Variants in MYO1H observed in about 807,000 individuals in gnomAD.
The protein encoded by MYO1H is unconventional myosin-Ih.
A neutral mutation model predicts 149.3 loss-of-function variants in MYO1H; 118 were observed. The observed-to-expected ratio is 0.79, with a 90% CI of 0.68 to 0.92. The LOEUF (loss-of-function observed/expected upper bound fraction) is 0.92, where lower values mean the gene tolerates loss of function less well. MYO1H is among the 40% of genes least tolerant of loss of function. MYO1H has a pLI of 0.00. For synonymous variants in MYO1H, 447 were observed against 465.2 expected, an observed-to-expected ratio of 0.96 and a Z score of 0.50; for missense variants, 1,212 against 1,280.7, an observed-to-expected ratio of 0.95 and a Z score of 0.82.
the MYO1H span, among the ~76,000 whole-genome samples, chr12:109,322,222 A>G: frequency 1.3e-5 from 2 of 152,100 alleles, no homozygotes; most frequent in Non-Finnish European, 2.9e-5. Flanking sequence ...ACACTCCTCC[A>G]TTAATCTTTG....
intron 10 of MYO1H, among the ~76,000 whole-genome samples, chr12:109,408,822 C>G (rs1870510703): frequency 6.6e-6 from 1 of 152,020 alleles, no homozygotes; most frequent in Non-Finnish European, 1.5e-5. Flanking sequence ...CGGAGTCCCA[C>G]TTTGTCGTTC....
At position 109,435,130 on chromosome 12, in the gene MYO1H, T is replaced by C. The variant is rs767215283; in HGVS notation, c.2140+17T>C. ...ATCAACTAGGTATGATTTCTTTTTC[T>C]GTCCCGATTTCAATAGAATATGAAA... On this transcript the variant is annotated intron_variant, in intron 21 of 31. Transcript: ENST00000310903. The C allele has an allele frequency of 2.0e-6, 3 of 1,528,506 alleles. No individual in the cohort carries two copies. The Admixed American group carries it at 5.4e-5, about 28-fold the overall frequency. 94.7% of individuals were successfully genotyped at this position (1,528,506 alleles called of 1,614,324 possible). A position where few individuals can be genotyped will look rare whatever the true frequency, so the allele number is the denominator to read the frequency against.
exon 20 of MYO1H, chr12:109,432,992 A>C: frequency 6.2e-7 from 1 of 1,614,006 alleles, no homozygotes; most frequent in Non-Finnish European, 8.5e-7. Context: ...TACAAACCCG[A>C]GGAATACAAG....
At chr12:109,331,708 G>A in the MYO1H span, among the ~76,000 whole-genome samples, 1 of 152,170 alleles carries the variant, frequency 6.6e-6, no homozygotes, top group Non-Finnish European at 1.5e-5. Context: ...AAGATGGATG[G>A]GGCAGTGGTT....
the MYO1H span, among the ~76,000 whole-genome samples, chr12:109,323,460 T>C: frequency 6.6e-6 from 1 of 152,248 alleles, no homozygotes; most frequent in African/African-American, 2.4e-5. Context: ...CCTGTGTTTG[T>C]TGGTGGGAAC....
At chr12:109,435,230 C>A in intron 21 of MYO1H, 117 bp downstream of exon 21, 1 of 635,866 alleles carries the variant, frequency 1.6e-6, no homozygotes, top group Non-Finnish European at 2.7e-6. Context: ...GCTTTGGAAA[C>A]TAGGAACGAG....
chr12:109,344,742 G>T (rs1021866295), upstream of MYO1H, among the ~76,000 whole-genome samples: 2 of 152,154 alleles, frequency 1.3e-5, no homozygotes, highest in Admixed American at 6.5e-5. Flanking sequence ...TGACTACAAA[G>T]CTACAAAGAC....
chr12:109,362,314 T>C (rs535983095), intron 1 of MYO1H, among the ~76,000 whole-genome samples: 1 of 152,320 alleles, frequency 6.6e-6, no homozygotes, highest in African/African-American at 2.4e-5. Flanking sequence ...TGATGTGAAG[T>C]CTGATTTGAG....
intron 15 of MYO1H, among the ~76,000 whole-genome samples, chr12:109,419,547 T>G (rs1566035937): frequency 2.0e-5 from 3 of 152,224 alleles, no homozygotes; most frequent in South Asian, 4.1e-4. Context: ...TTTTAAAATT[T>G]TTATTTAATC....
chr12:109,328,190 A>G, the MYO1H span, among the ~76,000 whole-genome samples: 1 of 150,528 alleles, frequency 6.6e-6, no homozygotes, highest in African/African-American at 2.4e-5. Context: ...TATGTGATTT[A>G]CCTTAGTTTT....
At chr12:109,420,549 T>C (rs1871129622) in intron 15 of MYO1H, among the ~76,000 whole-genome samples, 1 of 152,110 alleles carries the variant, frequency 6.6e-6, no homozygotes, top group African/African-American at 2.4e-5. Context: ...TGCTACAAAC[T>C]TTTAAACAAC....
chr12:109,331,554 C>G, the MYO1H span, among the ~76,000 whole-genome samples: 1 of 152,188 alleles, frequency 6.6e-6, no homozygotes, highest in South Asian at 2.1e-4. Context: ...TCCTCGGAGC[C>G]AAGAGCTTCT....
Position 109,436,367 on chromosome 12 carries a change from A to G in MYO1H, c.2141-121A>G, listed in dbSNP as rs1033815491. 11 of 670,740 alleles carry G rather than the reference A, an allele frequency of 1.6e-5. No individual in the cohort carries two copies. The Admixed American group carries it at 2.3e-4, about 14-fold the overall frequency. 41.5% of individuals were successfully genotyped at this position (670,740 alleles called of 1,614,324 possible). On this transcript the variant is annotated intron_variant, in intron 21 of 31. Coordinates refer to ENST00000310903, the Ensembl canonical transcript of MYO1H. ...CAGTGCTGAAATAGCTTCCTGAAAC[A>G]TCACTACACCACAGGACTTTGATGC...
chr12:109,329,178 A>G, the MYO1H span, among the ~76,000 whole-genome samples: 1 of 151,894 alleles, frequency 6.6e-6, no homozygotes, highest in Admixed American at 6.6e-5. Flanking sequence ...TGTAGTTTAT[A>G]TGGGCAAGTA....
intron 1 of MYO1H, among the ~76,000 whole-genome samples, chr12:109,373,695 T>A (rs1318188496): frequency 6.6e-6 from 1 of 152,228 alleles, no homozygotes. Flanking sequence ...TTTATATTTT[T>A]ATTACAAAAT....
chr12:109,445,086 G>A (rs932697992), intron 30 of MYO1H, among the ~76,000 whole-genome samples: 1 of 152,156 alleles, frequency 6.6e-6, no homozygotes, highest in Non-Finnish European at 1.5e-5. Flanking sequence ...AGGATATCCT[G>A]GAGAGCTGTT....
chr12:109,442,590 C>T (rs1261976465), intron 27 of MYO1H, among the ~76,000 whole-genome samples: 1 of 152,130 alleles, frequency 6.6e-6, no homozygotes, highest in African/African-American at 2.4e-5. Flanking sequence ...TGGCATAGTG[C>T]CTGGGCACTG....
chr12:109,411,756 C>T, intron 13 of MYO1H, 138 bp from the exon 14 acceptor site: 1 of 587,132 alleles, frequency 1.7e-6, no homozygotes, highest in Non-Finnish European at 3.0e-6. Context: ...CCTTCTTCCC[C>T]CCAGAATGTT....
intron 7 of MYO1H, among the ~76,000 whole-genome samples, chr12:109,404,910 TA>T (rs1424744030): frequency 6.6e-6 from 1 of 151,770 alleles, no homozygotes; most frequent in Non-Finnish European, 1.5e-5. Flanking sequence ...GAATGTAATT[TA>T]AAAACAGCTG....
Sources: allele counts gnomAD v4.1 joint callset (sites outside exome capture counted in the v4.1 genomes callset), GRCh38; gene constraint gnomAD v4.1.1; transcripts MANE v1.5; gene names NCBI Gene and HGNC (gene_info 2026-07-23, HGNC 2026-07-21).